Variants in COG5 observed in about 807,000 individuals in gnomAD.
COG5 encodes component of oligomeric golgi complex 5.
A neutral mutation model predicts 110.4 loss-of-function variants in COG5; 86 were observed. The ratio of observed to expected loss-of-function variants is 0.78; its 90% CI spans 0.65 to 0.93. The LOEUF (loss-of-function observed/expected upper bound fraction) is 0.93. COG5 is among the 40% of genes least tolerant of loss of function. The pLI is 0.00. For synonymous variants in COG5, 360 were observed against 334.6 expected, an observed-to-expected ratio of 1.08 and a Z score of -0.83; for missense variants, 1,077 against 987.0, an observed-to-expected ratio of 1.09 and a Z score of -1.22.
At chr7:107,510,655 A>T (rs1484341653) in intron 6 of COG5, among the ~76,000 whole-genome samples, 2 of 152,106 alleles carry the variant, frequency 1.3e-5, no homozygotes, top group African/African-American at 4.8e-5. Flanking sequence ...GAAGTAAAGC[A>T]CTCCTCAGCA....
chr7:107,552,215 T>G (rs569506356), intron 3 of COG5, among the ~76,000 whole-genome samples: 1 of 152,218 alleles, frequency 6.6e-6, no homozygotes, highest in East Asian at 1.9e-4. Context: ...AAAACTAGCA[T>G]GTTTTCAAGA....
rs1804231308 is a variant in COG5 at position 107,563,871 on chromosome 7, G to A, written c.26C>T (p.Ala9Val). 1 of 1,613,474 alleles carries A rather than the reference G, an allele frequency of 6.2e-7. No individual in the cohort carries two copies. Among genetic ancestry groups the A allele is most frequent in the Non-Finnish European group, 8.5e-7 (1 of 1,179,974 alleles). The change falls in exon 1 of 22, where the codon GCT (alanine) becomes GTT (valine). Residue 9 changes from alanine to valine, a missense_variant. Transcript: ENST00000297135. ...GCCTCGAGCTCCGAGGCCAGCTACAGCGACGCTGCCGCCGCCACCTTCCAT... is the reference window on the plus strand; with the variant it reads ...GCCTCGAGCTCCGAGGCCAGCTACAACGACGCTGCCGCCGCCACCTTCCAT... The part of the protein sequence containing the change: MEGGGGSV[A>V]VAGLGARGSG...
At position 107,413,187 on chromosome 7, in the gene COG5, CTTT is replaced by C. The variant is rs11445827; in HGVS notation, c.539-558_539-556del. 3.7e-4 allele frequency among the ~76,000 whole-genome samples: 56 copies of C among 150,916 alleles called. 1 individual carries two copies. Among genetic ancestry groups the C allele is most frequent in the African/African-American group, 1.3e-3 (52 of 41,152 alleles). On this transcript the variant is annotated intron_variant, in intron 6 of 21. Transcript: ENST00000297135. ...ACCTGGCATCACATCCAACTATTCT[CTTT>C]TTTTTTAAGAGACAGGGTCTCACTA... is the stretch of plus-strand genomic sequence containing the variant.
intron 7 of COG5, among the ~76,000 whole-genome samples, chr7:107,408,909 T>C (rs1294395814): frequency 6.6e-6 from 1 of 152,144 alleles, no homozygotes; most frequent in African/African-American, 2.4e-5. Context: ...GATTATGGTC[T>C]TTTTCTTGAG....
rs113740756 is a variant in COG5 at position 107,466,909 on chromosome 7, T to C, written c.539-54277A>G. Among the ~76,000 whole-genome samples, 10 of 152,356 alleles carry C rather than the reference T, an allele frequency of 6.6e-5. 3 individuals are homozygous for C. Among genetic ancestry groups the C allele is most frequent in the African/African-American group, 2.4e-4 (10 of 41,598 alleles). On this transcript the variant is annotated intron_variant, in intron 6 of 21. Coordinates refer to ENST00000297135, the MANE Select transcript of COG5 (RefSeq NM_006348.5). The stretch of plus-strand genomic sequence containing the variant: ...TACTTTCAGTTATGGTGAATTCCAA[T>C]ATTTCACAAAGCTGAGTTTTTATTT...
chr7:107,552,952 C>G (rs976275139), intron 3 of COG5, among the ~76,000 whole-genome samples: 11 of 152,110 alleles, frequency 7.2e-5, no homozygotes, highest in Non-Finnish European at 1.6e-4. Context: ...AAACTATGTC[C>G]TATATAGCAA....
At chr7:107,416,016 GTATGTATATATGTGTGTA>G (rs1792812740) in intron 6 of COG5, among the ~76,000 whole-genome samples, 3 of 142,776 alleles carry the variant, frequency 2.1e-5, no homozygotes, top group African/African-American at 7.9e-5. Context: ...ACACATACAC[GTATGTATATATGTGTGTA>G]TATATAAATA....
chr7:107,202,983 T>C lies in COG5; in HGVS notation c.*533A>G, dbSNP rs558203688. 6.5e-6 allele frequency: 1 copy of C among 153,188 alleles called. No homozygotes were observed. The highest frequency in any genetic ancestry group is 2.0e-4 in the South Asian group (1 of 4,912). The allele number at this position is 153,188 out of a possible 1,614,324, so 9.5% of individuals were successfully genotyped here. A position where few individuals can be genotyped will look rare whatever the true frequency, so the allele number is the denominator to read the frequency against. On this transcript the variant is annotated 3_prime_UTR_variant, in exon 22 of 22. Transcript: ENST00000297135. ...AATCATTTTGGGGATTTTTTTTTTT[T>C]TTAATAGTGGTGTCTGTCAGGCTCC... is the stretch of plus-strand genomic sequence containing the variant.
intron 9 of COG5, 45 bp downstream of exon 9, chr7:107,362,263 G>T (rs1446434751): frequency 2.7e-6 from 4 of 1,476,176 alleles, no homozygotes; most frequent in Non-Finnish European, 3.8e-6. Context: ...GAATAACCAG[G>T]AGTTAATCCA....
At chr7:107,347,413 T>C (rs1811721113) in intron 10 of COG5, among the ~76,000 whole-genome samples, 1 of 152,178 alleles carries the variant, frequency 6.6e-6, no homozygotes, top group Admixed American at 6.5e-5. Flanking sequence ...TTAAATAGAA[T>C]TATAGGCATT....
intron 10 of COG5, among the ~76,000 whole-genome samples, chr7:107,332,321 G>A (rs1249790573): frequency 1.3e-5 from 2 of 152,190 alleles, no homozygotes; most frequent in Non-Finnish European, 1.5e-5. Flanking sequence ...AAAGTTGGTG[G>A]AAGAAATGAT....
In COG5 at chr7:107,205,809, C is replaced by T. The variant is rs193090396; in HGVS notation, c.2376-2179G>A. The stretch of plus-strand genomic sequence containing the variant: ...GAGTCACACAGGTTTGTGAAACGAT[C>T]TCACCTCTGTATCAACAGCCTTGAC... On this transcript the variant is annotated intron_variant, in intron 21 of 21. Transcript: ENST00000297135. 4.3e-3 allele frequency among the ~76,000 whole-genome samples: 647 copies of T among 152,202 alleles called. 2 individuals carry two copies. Among genetic ancestry groups the T allele is most frequent in the African/African-American group, 0.015 (619 of 41,524 alleles).
At chr7:107,373,913 T>C (rs974540927) in intron 7 of COG5, among the ~76,000 whole-genome samples, 1 of 152,148 alleles carries the variant, frequency 6.6e-6, no homozygotes, top group Admixed American at 6.5e-5. Flanking sequence ...ATTTTAATAA[T>C]AGTACATGCT....
intron 7 of COG5, among the ~76,000 whole-genome samples, chr7:107,378,177 G>C (rs544092514): frequency 2.6e-5 from 4 of 152,212 alleles, no homozygotes; most frequent in African/African-American, 9.6e-5. Flanking sequence ...GCAGCAGAGG[G>C]GTCTGACCGT....
At chr7:107,562,652 T>G (rs947124500) in intron 1 of COG5, among the ~76,000 whole-genome samples, 10 of 152,188 alleles carry the variant, frequency 6.6e-5, no homozygotes, top group Admixed American at 3.3e-4. Context: ...TTTAGCCAAG[T>G]TTTAGACAGA....
At position 107,429,941 on chromosome 7, in the gene COG5, C is replaced by T. The variant is rs184900423; in HGVS notation, c.539-17309G>A. 7.2e-5 allele frequency among the ~76,000 whole-genome samples: 11 copies of T among 152,256 alleles called. No homozygotes were observed. The East Asian group carries it at 7.7e-4, about 11-fold the overall frequency. On this transcript the variant is annotated intron_variant, in intron 6 of 21. Coordinates refer to ENST00000297135, the MANE Select transcript of COG5 (RefSeq NM_006348.5). ...TATGTCTTTATCAGTAGCATGAAAA[C>T]GGACTAATACAGTTGGGTTGTCTTT...
At chr7:107,437,671 T>C (rs561776672) in intron 6 of COG5, among the ~76,000 whole-genome samples, 10 of 152,302 alleles carry the variant, frequency 6.6e-5, no homozygotes, top group South Asian at 2.1e-4. Flanking sequence ...TTTATATATA[T>C]TTAGATGCAC....
At chr7:107,504,880 CTTCTT>C (rs1202766001) in intron 6 of COG5, among the ~76,000 whole-genome samples, 1 of 151,952 alleles carries the variant, frequency 6.6e-6, no homozygotes, top group African/African-American at 2.4e-5. Context: ...TTATTTGAAT[CTTCTT>C]TTTTTTCTTG....
chr7:107,216,564 ATGG>A (rs1349307518), intron 19 of COG5, among the ~76,000 whole-genome samples: 1 of 152,240 alleles, frequency 6.6e-6, no homozygotes, highest in Non-Finnish European at 1.5e-5. Context: ...TCTAATCAGA[ATGG>A]TATGAAACTA....
Sources: gnomAD v4.1 joint callset for allele counts (sites outside exome capture counted in the v4.1 genomes callset) on GRCh38, gnomAD v4.1.1 for gene constraint, MANE v1.5 for transcripts, NCBI Gene and HGNC (gene_info 2026-07-23, HGNC 2026-07-21) for gene names.